Variants in DMD observed in about 807,000 individuals in gnomAD.
The protein encoded by DMD is mutant dystrophin.
Under a neutral mutation model 330.1 loss-of-function variants are expected in DMD, and 63 were observed. The ratio of observed to expected loss-of-function variants is 0.19; its 90% confidence interval spans 0.16 to 0.24. The LOEUF is 0.24. Ranked by LOEUF, DMD falls within the 10% of genes least tolerant of loss-of-function variation. DMD has a pLI of 1.00. For missense variants in DMD, 3,344 were observed against 2,684.1 expected, an observed-to-expected ratio of 1.25 and a Z score of -5.43; for synonymous variants, 1,223 against 959.8, an observed-to-expected ratio of 1.27 and a Z score of -5.07.
intron 55 of DMD, among the ~76,000 whole-genome samples, chrX:31,555,238 C>G (rs1262470295): frequency 9.0e-6 from 1 of 111,369 alleles, no homozygotes; most frequent in Non-Finnish European, 1.9e-5. Context: ...TGATTTCAAG[C>G]AACTAACTTG....
chrX:32,598,309 CA>C (rs773069785), intron 12 of DMD, among the ~76,000 whole-genome samples: 7 of 111,188 alleles, frequency 6.3e-5, no homozygotes, highest in Non-Finnish European at 1.3e-4. Context: ...GCCATGAGGC[CA>C]AAAATGGAAA....
chrX:32,742,117 A>C (rs1240320628), intron 7 of DMD, among the ~76,000 whole-genome samples: 2 of 111,769 alleles, frequency 1.8e-5, no homozygotes, highest in Non-Finnish European at 3.8e-5. Flanking sequence ...TCATGCCACT[A>C]TGATGACCTG....
intron 44 of DMD, among the ~76,000 whole-genome samples, chrX:32,075,621 T>C (rs1668504147): frequency 9.0e-6 from 1 of 111,695 alleles, no homozygotes; most frequent in Non-Finnish European, 1.9e-5. Context: ...TACCCATAAT[T>C]TTCCTATCCC....
chrX:31,893,641 G>A (rs1220086100), intron 47 of DMD, among the ~76,000 whole-genome samples: 2 of 110,820 alleles, frequency 1.8e-5, no homozygotes, highest in African/African-American at 6.6e-5. Context: ...ATGCCTGGTG[G>A]TAGTTTCCCT....
chrX:32,738,219 C>T (rs1032346112), intron 7 of DMD, among the ~76,000 whole-genome samples: 2 of 111,828 alleles, frequency 1.8e-5, no homozygotes, highest in Admixed American at 1.9e-4. Context: ...AGGAATAAAA[C>T]TGAGTTTGGT....
intron 2 of DMD, among the ~76,000 whole-genome samples, chrX:32,872,146 G>C (rs2083048479): frequency 9.0e-6 from 1 of 111,340 alleles, no homozygotes; most frequent in South Asian, 3.8e-4. Flanking sequence ...ATGACTATAG[G>C]CTTGTCATCC....
At chrX:32,846,257 A>G (rs1285321006) in intron 3 of DMD, among the ~76,000 whole-genome samples, 1 of 112,028 alleles carries the variant, frequency 8.9e-6, no homozygotes, top group East Asian at 2.8e-4. Context: ...AGATTACCAT[A>G]TAACTAATAA....
chrX:33,045,075 C>G (rs1432460049), intron 1 of DMD, among the ~76,000 whole-genome samples: 1 of 110,461 alleles, frequency 9.1e-6, no homozygotes, highest in African/African-American at 3.3e-5. Flanking sequence ...GGGGAAAGTC[C>G]TTTTTTTACA....
rs766716563 is a variant in DMD at position 31,147,478 on chromosome X, C to T, written c.10594G>A (p.Glu3532Lys). ...AEYDRLKQQHEHKGLSPLPSP... is the reference protein window; with the variant it reads ...AEYDRLKQQHKHKGLSPLPSP... ...GGCAGTGGGGACAGGCCTTTATGTT[C>T]GTGCTGCTGCTTTAGACGGTCATAT... is the stretch of plus-strand genomic sequence containing the variant. Residue 3532 changes from glutamate to lysine, a missense_variant, in exon 75 of 79, where the codon GAA becomes AAA. Coordinates refer to ENST00000357033, the MANE Select transcript of DMD (RefSeq NM_004006.3). 3.5e-5 allele frequency: 42 copies of T among 1,200,483 alleles called. No individual in the cohort carries two copies. Among genetic ancestry groups the T allele is most frequent in the East Asian group, 8.9e-5 (3 of 33,547 alleles).
rs139033330 is a variant in DMD, at chrX:32,712,317, A to C, written c.650-13024T>G. On this transcript the variant is annotated intron_variant, in intron 7 of 78. Coordinates refer to ENST00000357033, the MANE Select transcript of DMD (RefSeq NM_004006.3). Reference sequence around the variant, plus strand: ...ATCTGCCTAACAGTCCATAGCATGAAAAATACTGGAGCTACTGTGTACAAC... The same window carrying C: ...ATCTGCCTAACAGTCCATAGCATGACAAATACTGGAGCTACTGTGTACAAC... 3.6e-3 allele frequency among the ~76,000 whole-genome samples: 399 copies of C among 111,559 alleles called. 3 individuals carry two copies. Among genetic ancestry groups the C allele is most frequent in the African/African-American group, 0.012 (371 of 30,828 alleles).
At position 31,617,209 on chromosome X, in the gene DMD, G is replaced by A. The variant is rs1210036505; in HGVS notation, c.8217+10464C>T. 5.4e-5 allele frequency among the ~76,000 whole-genome samples: 6 copies of A among 111,729 alleles called. No homozygotes were observed. The East Asian group carries it at 1.7e-3, about 32-fold the overall frequency. On this transcript the variant is annotated intron_variant, in intron 55 of 78. Coordinates refer to ENST00000357033, the MANE Select transcript of DMD (RefSeq NM_004006.3). Reference sequence around the variant, plus strand: ...TGACTAAATATCAAATGAAGATAATGAGATTAATGAAATCAGAAAAGAATG... The same window carrying A: ...TGACTAAATATCAAATGAAGATAATAAGATTAATGAAATCAGAAAAGAATG...
chrX:32,425,330 C>A (rs1300414006), intron 29 of DMD, among the ~76,000 whole-genome samples: 1 of 110,864 alleles, frequency 9.0e-6, no homozygotes, highest in Non-Finnish European at 1.9e-5. Flanking sequence ...CTACTCTCCA[C>A]CTCAGAACCT....
At chrX:32,694,272 A>T (rs1569463687) in intron 9 of DMD, among the ~76,000 whole-genome samples, 1 of 111,568 alleles carries the variant, frequency 9.0e-6, no homozygotes, top group Non-Finnish European at 1.9e-5. Context: ...TTTAAATAAC[A>T]TCTATGTGTT....
chrX:31,664,466 G>A (rs772395516), intron 53 of DMD, among the ~76,000 whole-genome samples: 68 of 106,289 alleles, frequency 6.4e-4, no homozygotes, highest in African/African-American at 2.3e-3. Flanking sequence ...TTCTCTTCTC[G>A]AAGTTCTCTG....
At chrX:31,437,187 G>T (rs1304261971) in intron 60 of DMD, among the ~76,000 whole-genome samples, 1 of 111,943 alleles carries the variant, frequency 8.9e-6, no homozygotes, top group Non-Finnish European at 1.9e-5. Flanking sequence ...ATTGAGAAAA[G>T]GCTATTAGCT....
chrX:32,935,683 C>A (rs764472096), intron 2 of DMD, among the ~76,000 whole-genome samples: 2 of 110,074 alleles, frequency 1.8e-5, no homozygotes, highest in South Asian at 3.9e-4. Context: ...CAAAGTCACA[C>A]AAACATTAAA....
Position 32,472,028 on chromosome X carries a change from C to A in DMD, c.2949+136G>T. The stretch of plus-strand genomic sequence containing the variant: ...ATATGCATAAATAATACTGTAAAGT[C>A]TCATTTTCATTTGCTCAATGGGCAA... On this transcript the variant is annotated intron_variant, in intron 22 of 78. Transcript: ENST00000357033. The A allele has an allele frequency of 1.7e-5, 13 of 749,037 alleles. No individual in the cohort carries two copies. The Admixed American group carries it at 3.1e-4, about 18-fold the overall frequency. 61.7% of individuals were successfully genotyped at this position (749,037 alleles called of 1,213,427 possible). A position where few individuals can be genotyped will look rare whatever the true frequency, so the allele number is the denominator to read the frequency against.
At chrX:32,648,493 T>C (rs2059921466) in intron 9 of DMD, among the ~76,000 whole-genome samples, 2 of 111,861 alleles carry the variant, frequency 1.8e-5, no homozygotes, top group African/African-American at 6.5e-5. Context: ...GTCACTTATA[T>C]AATACTAACA....
At chrX:32,776,565 G>C (rs2148500161) in intron 7 of DMD, among the ~76,000 whole-genome samples, 1 of 110,785 alleles carries the variant, frequency 9.0e-6, no homozygotes, top group South Asian at 3.9e-4. Flanking sequence ...TGGGGTCGGG[G>C]GGAAGGCTGT....
Sources: allele counts gnomAD v4.1 joint callset (sites outside exome capture counted in the v4.1 genomes callset), GRCh38; gene constraint gnomAD v4.1.1; transcripts MANE v1.5; gene names NCBI Gene and HGNC (gene_info 2026-07-23, HGNC 2026-07-21).